Variants in EPHX1 observed in about 807,000 individuals in gnomAD.
The protein encoded by EPHX1 is epoxide hydrolase 1.
EPHX1 carries 40 observed loss-of-function variants against 43.2 expected under a neutral mutation model. The ratio of observed to expected loss-of-function variants is 0.93; its 90% CI spans 0.72 to 1.21. EPHX1 has a LOEUF of 1.21. EPHX1 is among the 50% of genes most tolerant of loss of function. The probability of loss-of-function intolerance (pLI) is 0.00; values close to 1 mark genes in which losing one functional copy is unlikely to be tolerated. For synonymous variants in EPHX1, 221 were observed against 226.7 expected, an observed-to-expected ratio of 0.98 and a Z score of 0.22; for missense variants, 550 against 570.4, an observed-to-expected ratio of 0.96 and a Z score of 0.36.
intron 3 of EPHX1, among the ~76,000 whole-genome samples, chr1:225,837,811 C>A (rs977613187): frequency 3.3e-5 from 5 of 152,206 alleles, no homozygotes; most frequent in African/African-American, 4.8e-5. Flanking sequence ...TGAGCCACCA[C>A]ACCAGGCCCA....
At chr1:225,825,641 T>G (rs990719739) in intron 1 of EPHX1, 10 of 152,238 alleles carry the variant, frequency 6.6e-5, no homozygotes, top group African/African-American at 2.4e-4. Flanking sequence ...TCATGCAAAA[T>G]GTGTCTTACT....
At chr1:225,827,845 C>T (rs186135759) in intron 1 of EPHX1, among the ~76,000 whole-genome samples, 53 of 152,300 alleles carry the variant, frequency 3.5e-4, no homozygotes, top group Middle Eastern at 3.4e-3. Flanking sequence ...GTGGCCATGG[C>T]TGGGCTTCCT....
Position 225,838,901 on chromosome 1 carries a change from T to C in EPHX1, c.592+20T>C. On this transcript the variant is annotated intron_variant, in intron 4 of 8. Coordinates refer to ENST00000272167, the MANE Select transcript of EPHX1 (RefSeq NM_001136018.4). Reference sequence around the variant, plus strand: ...AGAAGGGTACGGGGCTGCTAGAGGTTCCATAACTGCCCCGTCCTCGCCAAG... The same window carrying C: ...AGAAGGGTACGGGGCTGCTAGAGGTCCCATAACTGCCCCGTCCTCGCCAAG... The C allele has an allele frequency of 6.2e-7, 1 of 1,609,934 alleles. No homozygotes were observed. The highest frequency in any genetic ancestry group is 8.5e-7 in the Non-Finnish European group (1 of 1,176,210).
intron 7 of EPHX1, among the ~76,000 whole-genome samples, chr1:225,844,077 G>C (rs568637501): frequency 1.4e-4 from 22 of 152,236 alleles, no homozygotes; most frequent in Admixed American, 1.0e-3. Context: ...GGAGATAATA[G>C]TACCTATGTC....
intron 4 of EPHX1, 146 bp downstream of exon 4, chr1:225,839,027 A>G: frequency 7.6e-7 from 1 of 1,320,824 alleles, no homozygotes; most frequent in Non-Finnish European, 1.1e-6. Flanking sequence ...CCGGCCCCAG[A>G]CACACCGCCC....
intron 1 of EPHX1, among the ~76,000 whole-genome samples, chr1:225,823,302 A>AT (rs1171550132): frequency 1.3e-5 from 2 of 151,836 alleles, no homozygotes; most frequent in Non-Finnish European, 2.9e-5. Context: ...AAGTACTGGG[A>AT]TTACAGTCAT....
At chr1:225,844,448 C>T in intron 7 of EPHX1, 50 bp from the exon 8 acceptor site, 3 of 1,611,618 alleles carry the variant, frequency 1.9e-6, no homozygotes, top group Non-Finnish European at 2.5e-6. Flanking sequence ...CCCTTTGTCA[C>T]ACAACTGCAT....
intron 1 of EPHX1, among the ~76,000 whole-genome samples, chr1:225,811,349 T>C (rs1285621649): frequency 6.6e-6 from 1 of 152,118 alleles, no homozygotes; most frequent in African/African-American, 2.4e-5. Context: ...CCACCTCCCA[T>C]TGTTTAAACT....
chr1:225,816,703 A>G (rs1666740723), intron 1 of EPHX1, among the ~76,000 whole-genome samples: 1 of 152,168 alleles, frequency 6.6e-6, no homozygotes, highest in African/African-American at 2.4e-5. Flanking sequence ...CAGACCCTCC[A>G]CAGCAGATGG....
chr1:225,834,458 G>A (rs1042838660), intron 3 of EPHX1, among the ~76,000 whole-genome samples: 1 of 151,906 alleles, frequency 6.6e-6, no homozygotes, highest in Admixed American at 6.6e-5. Context: ...GAGGTGCCAG[G>A]GCAGCAAACA....
intron 3 of EPHX1, among the ~76,000 whole-genome samples, chr1:225,835,704 C>CTT (rs112510399): frequency 0.061 from 8,610 of 141,738 alleles, 309 homozygotes; most frequent in Non-Finnish European, 0.084. Context: ...TTTTTCTTTC[C>CTT]TTTTTTTTTT....
At position 225,845,537 on chromosome 1, in the gene EPHX1, T is replaced by TTGA. The variant is rs925135789; in HGVS notation, c.*195_*197dup. 3.6e-5 allele frequency: 23 copies of TTGA among 630,766 alleles called. No homozygotes were observed. The highest frequency in any genetic ancestry group is 1.4e-4 in the South Asian group (7 of 51,650). 39.1% of individuals were successfully genotyped at this position (630,766 alleles called of 1,614,324 possible). ...ACTCCGTGTGGTAAGCAACATGGCT[T>TTGA]TGATGATAAACGACTTTACTCTAAA... On this transcript the variant is annotated 3_prime_UTR_variant, in exon 9 of 9. Coordinates refer to ENST00000272167, the MANE Select transcript of EPHX1 (RefSeq NM_001136018.4).
intron 2 of EPHX1, among the ~76,000 whole-genome samples, chr1:225,831,114 C>T (rs1344504851): frequency 1.3e-5 from 1 of 78,584 alleles, no homozygotes; most frequent in African/African-American, 3.7e-5. Context: ...TGGCTGCTTT[C>T]ACACTATGAA....
At chr1:225,844,475 G>A (rs752708943) in intron 7 of EPHX1, 23 bp from the exon 8 acceptor site, 1 of 1,614,090 alleles carries the variant, frequency 6.2e-7, no homozygotes, top group South Asian at 1.1e-5. Context: ...CTGAGAGTGG[G>A]GCTTTGTGTT....
In EPHX1 at chr1:225,831,813, C is replaced by T; in HGVS notation, c.218C>T (p.Thr73Ile). ...CAGAGGATCGATAAGTTCCGTTTCACCCCACCTTTGGAGGACAGCTGCTTC... is the reference window on the plus strand; with the variant it reads ...CAGAGGATCGATAAGTTCCGTTTCATCCCACCTTTGGAGGACAGCTGCTTC... ...LHQRIDKFRF[T>I]PPLEDSCFHY... Residue 73 changes from threonine to isoleucine, a missense_variant, in exon 3 of 9, where the codon ACC (threonine) becomes ATC (isoleucine). By Grantham distance (89) the Thr-to-Ile change is moderately conservative (BLOSUM62 -1). Transcript: ENST00000272167. 2 of 1,614,194 alleles carry T rather than the reference C, an allele frequency of 1.2e-6. No individual in the cohort carries two copies. The highest frequency in any genetic ancestry group is 1.7e-6 in the Non-Finnish European group (2 of 1,180,034).
Position 225,817,979 on chromosome 1 carries a change from C to A in EPHX1, c.-6+7810C>A, listed in dbSNP as rs754724275. Among the ~76,000 whole-genome samples, 1 of 152,064 alleles carries A rather than the reference C, an allele frequency of 6.6e-6. No individual in the cohort carries two copies. Among genetic ancestry groups the A allele is most frequent in the Non-Finnish European group, 1.5e-5 (1 of 68,028 alleles). On this transcript the variant is annotated intron_variant, in intron 1 of 8. Coordinates refer to ENST00000272167, the MANE Select transcript of EPHX1 (RefSeq NM_001136018.4). The surrounding 1 kb of genome is among the most constrained non-coding windows in gnomAD (Gnocchi z 5.7). ...AGACCTGCCCTTTACTTTGTGTGGC[C>A]GGATCTGAGTCTGACCCCATCTTTT... is the stretch of plus-strand genomic sequence containing the variant.
At chr1:225,829,067 G>T (rs1367476877) in intron 2 of EPHX1, among the ~76,000 whole-genome samples, 155 bp downstream of exon 2, 1 of 152,160 alleles carries the variant, frequency 6.6e-6, no homozygotes, top group South Asian at 2.1e-4. Flanking sequence ...CCTCTGCTGG[G>T]CAGGTGCAGG....
chr1:225,839,468 A>G, intron 5 of EPHX1, 122 bp downstream of exon 5: 4 of 1,523,396 alleles, frequency 2.6e-6, no homozygotes, highest in Non-Finnish European at 3.5e-6. Flanking sequence ...AGGGAGTGTG[A>G]CCTGTCACTC....
At position 225,838,880 on chromosome 1, in the gene EPHX1, G is replaced by C; in HGVS notation, c.591G>C (p.Lys197Asn). The stretch of plus-strand genomic sequence containing the variant: ...GCTTCTCAGAGGCATCCTCCAAGAA[G>C]GGTACGGGGCTGCTAGAGGTTCCAT... Reference protein sequence around the residue: ...GYGFSEASSKKGFNSVATARI... With the variant: ...GYGFSEASSKNGFNSVATARI... Residue 197 changes from lysine to asparagine, a missense_variant and splice_region_variant, in exon 4 of 9, where the codon AAG (lysine) becomes AAC (asparagine). Lys to Asn is a moderately conservative substitution (Grantham distance 94, BLOSUM62 0). Transcript: ENST00000272167. 6.2e-7 allele frequency: 1 copy of C among 1,614,054 alleles called. No homozygotes were observed. Among genetic ancestry groups the C allele is most frequent in the Non-Finnish European group, 8.5e-7 (1 of 1,179,902 alleles).
Sources: gnomAD v4.1 joint callset for allele counts (sites outside exome capture counted in the v4.1 genomes callset) on GRCh38, gnomAD v4.1.1 for gene constraint, Gnocchi (gnomAD v3.1) non-coding constraint, MANE v1.5 for transcripts, NCBI Gene and HGNC (gene_info 2026-07-23, HGNC 2026-07-21) for gene names.